The following SYNE1 variants were observed in gnomAD, a reference collection of about 807,000 sequenced individuals.
SYNE1 encodes the protein spectrin repeat containing nuclear envelope protein 1.
SYNE1 carries 616 observed loss-of-function variants against 1,111.0 expected under a neutral mutation model. That is an observed-to-expected ratio of 0.55 (90% CI 0.52 to 0.59). SYNE1 has a LOEUF of 0.59. SYNE1 is among the 20% of genes least tolerant of loss of function. The pLI is 0.00. For synonymous variants in SYNE1, 3,855 were observed against 3,825.8 expected, an observed-to-expected ratio of 1.01 and a Z score of -0.28; for missense variants, 10,006 against 10,417.0, an observed-to-expected ratio of 0.96 and a Z score of 1.72.
intron 18 of SYNE1, chr6:152,464,879 T>G (rs73782808): frequency 0.015 from 4,394 of 293,758 alleles, 217 homozygotes; most frequent in African/African-American, 0.09. Context: ...GTCCAGTTGT[T>G]CAACTGGCGT....
At position 152,570,941 on chromosome 6, in the gene SYNE1, C is replaced by T. The variant is rs116749209; in HGVS notation, c.68-30920G>A. On this transcript the variant is annotated intron_variant, in intron 3 of 145. Transcript: ENST00000367255. ...AGATGCGGAGGAATTCACGAGACTGCCCTGCCCAGTCTCAGAAAGGGATGC... is the reference window on the plus strand; with the variant it reads ...AGATGCGGAGGAATTCACGAGACTGTCCTGCCCAGTCTCAGAAAGGGATGC... Among the ~76,000 whole-genome samples the T allele has an allele frequency of 4.4e-3, 668 of 152,258 alleles. 4 individuals carry two copies. The highest frequency in any genetic ancestry group is 0.015 in the African/African-American group (623 of 41,556).
chr6:152,138,512 A>AAAAT (rs200341649), intron 140 of SYNE1, among the ~76,000 whole-genome samples: 18,447 of 141,712 alleles, frequency 0.13, 1,327 homozygotes, highest in East Asian at 0.21. Context: ...CTCTGTCTCA[A>AAAAT]AAATAAATAA....
intron 3 of SYNE1, among the ~76,000 whole-genome samples, chr6:152,575,220 T>G (rs1215697783): frequency 6.6e-6 from 1 of 152,192 alleles, no homozygotes; most frequent in African/African-American, 2.4e-5. Context: ...CCTGATAAAG[T>G]TTTTCCTAAT....
rs1257830559 is a variant in SYNE1 at position 152,353,164 on chromosome 6, G to A, written c.11253+99C>T. 5 of 1,464,612 alleles carry A rather than the reference G, an allele frequency of 3.4e-6. No homozygotes were observed. In the East Asian group the frequency reaches 1.1e-4, roughly 33 times the overall value. 90.7% of individuals were successfully genotyped at this position (1,464,612 alleles called of 1,614,324 possible). On this transcript the variant is annotated intron_variant, in intron 69 of 145. Transcript: ENST00000367255. Reference sequence around the variant, plus strand: ...TGAGCTCAGGATCACCAATCATAATGGTTGGGATGATCACCTGTGTTTCCA... The same window carrying A: ...TGAGCTCAGGATCACCAATCATAATAGTTGGGATGATCACCTGTGTTTCCA...
intron 24 of SYNE1, among the ~76,000 whole-genome samples, chr6:152,454,441 G>T (rs2098679275): frequency 6.6e-6 from 1 of 152,136 alleles, no homozygotes; most frequent in Admixed American, 6.5e-5. Flanking sequence ...CAGGGAAAAG[G>T]TAGCCATCTG....
At chr6:152,216,877 A>G (rs909093087) in intron 121 of SYNE1, among the ~76,000 whole-genome samples, 20 of 151,802 alleles carry the variant, frequency 1.3e-4, no homozygotes, top group Admixed American at 9.2e-4. Context: ...AACATAGTGA[A>G]CCACCCCCCT....
intron 131 of SYNE1, among the ~76,000 whole-genome samples, chr6:152,158,295 A>C (rs2061757517): frequency 6.6e-6 from 1 of 152,078 alleles, no homozygotes; most frequent in Admixed American, 6.6e-5. Context: ...CAATGTCCTT[A>C]ATGTGTTTTC....
intron 3 of SYNE1, among the ~76,000 whole-genome samples, chr6:152,599,769 T>A (rs1416424231): frequency 6.6e-6 from 1 of 152,234 alleles, no homozygotes; most frequent in Non-Finnish European, 1.5e-5. Flanking sequence ...TGTCTTCTAT[T>A]GTTTACTTAT....
chr6:152,201,054 G>C (rs719765), intron 127 of SYNE1, among the ~76,000 whole-genome samples: 1 of 152,098 alleles, frequency 6.6e-6, no homozygotes, highest in Admixed American at 6.5e-5. Context: ...AATTACCCTA[G>C]AGCAATAATT....
At chr6:152,312,547 T>A (rs986605872) in intron 87 of SYNE1, among the ~76,000 whole-genome samples, 1 of 148,926 alleles carries the variant, frequency 6.7e-6, no homozygotes, top group African/African-American at 2.4e-5. Flanking sequence ...TAAATATATA[T>A]AGTAAGGATA....
At chr6:152,358,171 C>T (rs2096870769) in intron 66 of SYNE1, among the ~76,000 whole-genome samples, 1 of 152,184 alleles carries the variant, frequency 6.6e-6, no homozygotes, top group Non-Finnish European at 1.5e-5. Context: ...TCCTGTCCTA[C>T]CTAAATTGCC....
At chr6:152,308,955 A>AT (rs1333645413) in intron 90 of SYNE1, among the ~76,000 whole-genome samples, 1 of 152,138 alleles carries the variant, frequency 6.6e-6, no homozygotes, top group African/African-American at 2.4e-5. Context: ...ACATTATTTC[A>AT]TTTTTCCATC....
chr6:152,333,401 AGAT>A (rs1351477830), intron 77 of SYNE1, among the ~76,000 whole-genome samples: 2 of 152,220 alleles, frequency 1.3e-5, no homozygotes, highest in African/African-American at 4.8e-5. Context: ...ATGAATTCAT[AGAT>A]GATATCCCAT....
Position 152,433,949 on chromosome 6 carries a change from A to C in SYNE1, c.4311-4T>G, listed in dbSNP as rs1313581813. On this transcript the variant is annotated splice_polypyrimidine_tract_variant and splice_region_variant and intron_variant, in intron 33 of 145. Transcript: ENST00000367255. ...CACCATTTCCATGGTTTTAATACTAAAATTAACCAAATTAAGTAAATAAAA... is the reference window on the plus strand; with the variant it reads ...CACCATTTCCATGGTTTTAATACTACAATTAACCAAATTAAGTAAATAAAA... The C allele has an allele frequency of 1.2e-6, 2 of 1,607,516 alleles. No homozygotes were observed. Among genetic ancestry groups the C allele is most frequent in the African/African-American group, 1.3e-5 (1 of 74,676 alleles).
At chr6:152,266,892 T>A (rs953334423) in intron 100 of SYNE1, among the ~76,000 whole-genome samples, 2 of 152,056 alleles carry the variant, frequency 1.3e-5, no homozygotes, top group Non-Finnish European at 2.9e-5. Flanking sequence ...CTGATTAAAC[T>A]GCAAAAAAAA....
At chr6:152,569,329 G>A (rs964783005) in intron 3 of SYNE1, among the ~76,000 whole-genome samples, 7 of 152,118 alleles carry the variant, frequency 4.6e-5, no homozygotes, top group African/African-American at 1.7e-4. Context: ...ATCACCTTAT[G>A]GGCAAGTTAT....
In SYNE1 at chr6:152,628,288, G is replaced by T; in HGVS notation, c.44C>A (p.Ala15Asp). The T allele has an allele frequency of 6.2e-7, 1 of 1,614,016 alleles. No homozygotes were observed. The highest frequency in any genetic ancestry group is 1.1e-5 in the South Asian group (1 of 91,074). The change falls in exon 3 of 146, where the codon GCC becomes GAC. Residue 15 changes from alanine (A) to aspartate (D), a missense_variant. By Grantham distance (126) the Ala-to-Asp change is moderately radical. Transcript: ENST00000367255. Reference sequence around the variant, plus strand: ...ACCTTGCAGCCTCTGCATCACATTGGCGATATCCCGAGGACACCGGGAGGC... The same window carrying T: ...ACCTTGCAGCCTCTGCATCACATTGTCGATATCCCGAGGACACCGGGAGGC... ...RGASRCPRDI[A>D]NVMQRLQDEQ...
intron 51 of SYNE1, 75 bp from the exon 52 acceptor site, chr6:152,391,643 A>T: frequency 6.8e-7 from 1 of 1,473,478 alleles, no homozygotes. Flanking sequence ...GTGACAAATG[A>T]TTGTTGATAT....
chr6:152,303,311 A>G (rs2095265689), intron 91 of SYNE1, among the ~76,000 whole-genome samples: 1 of 151,416 alleles, frequency 6.6e-6, no homozygotes. Context: ...AAAATTAGCC[A>G]GAAATTGCTT....
Sources: gnomAD v4.1 joint callset for allele counts (sites outside exome capture counted in the v4.1 genomes callset) on GRCh38, gnomAD v4.1.1 for gene constraint, MANE v1.5 for transcripts, NCBI Gene and HGNC (gene_info 2026-07-23, HGNC 2026-07-21) for gene names.